TRRAP: variants seen among roughly 807,000 people sequenced by gnomAD.
The protein encoded by TRRAP is transformation/transcription domain associated protein, also known as transformation/transcription domain-associated protein.
TRRAP carries 41 observed loss-of-function variants against 438.8 expected under a neutral mutation model. That is an observed-to-expected ratio of 0.09 (90% CI 0.07 to 0.12). TRRAP has a LOEUF of 0.12. Among genes scored for constraint, TRRAP ranks in the 10% least tolerant of loss-of-function variants. The pLI is 1.00. For synonymous variants in TRRAP, 1,994 were observed against 1,962.9 expected (o/e 1.02, Z -0.42); for missense variants, 3,122 against 5,055.1 (o/e 0.62, Z 11.60).
At chr7:98,922,020 A>G (rs1354870958) in intron 21 of TRRAP, 67 bp downstream of exon 21, 3 of 1,597,158 alleles carry the variant, frequency 1.9e-6, no homozygotes, top group Admixed American at 3.4e-5. Context: ...GTCTATGTGA[A>G]ATGTTAATTA....
chr7:98,881,383 G>A, intron 2 of TRRAP, 133 bp downstream of exon 2: 1 of 733,004 alleles, frequency 1.4e-6, no homozygotes, highest in Non-Finnish European at 2.1e-6. Context: ...GACTAGCCTG[G>A]CCAACATGGT....
intron 20 of TRRAP, 134 bp from the exon 21 acceptor site, chr7:98,921,619 A>T: frequency 2.6e-6 from 3 of 1,149,234 alleles, no homozygotes; most frequent in Non-Finnish European, 3.7e-6. Flanking sequence ...CAGGTGATCT[A>T]CCCGCCTTAG....
chr7:98,978,035 T>C (rs1030532186), intron 56 of TRRAP, among the ~76,000 whole-genome samples, 176 bp from the exon 57 acceptor site: 1 of 152,224 alleles, frequency 6.6e-6, no homozygotes, highest in Non-Finnish European at 1.5e-5. Context: ...GCCCAGCTAC[T>C]CAGGGAGTCT....
chr7:98,879,436 G>T (rs1795318538), intron 1 of TRRAP, among the ~76,000 whole-genome samples: 1 of 151,954 alleles, frequency 6.6e-6, no homozygotes, highest in Admixed American at 6.6e-5. Flanking sequence ...GGGAGAGGCC[G>T]TGACTTCCGA....
At chr7:98,973,039 G>C (rs921356279) in intron 53 of TRRAP, among the ~76,000 whole-genome samples, 20 of 152,146 alleles carry the variant, frequency 1.3e-4, no homozygotes, top group African/African-American at 4.8e-4. Context: ...GAGTATAGTG[G>C]TGCAATCTCG....
chr7:98,994,490 C>T lies in TRRAP; in HGVS notation c.10048-97C>T. On this transcript the variant is annotated intron_variant, in intron 66 of 72. Coordinates refer to ENST00000456197, the MANE Select transcript of TRRAP (RefSeq NM_001375524.1). The surrounding 1 kb of genome is among the most constrained non-coding windows in gnomAD (Gnocchi z 4.8). ...TCCTGCCGGGGAGTGCAGAGATGACCCTGGGCTGGGAGGGCCGCACTCAAT... is the reference window on the plus strand; with the variant it reads ...TCCTGCCGGGGAGTGCAGAGATGACTCTGGGCTGGGAGGGCCGCACTCAAT... 1 of 1,545,144 alleles carries T rather than the reference C, an allele frequency of 6.5e-7. No homozygotes were observed. Among genetic ancestry groups the T allele is most frequent in the Non-Finnish European group, 8.8e-7 (1 of 1,136,136 alleles).
chr7:98,999,626 G>C (rs1793826668), intron 67 of TRRAP: 2 of 857,054 alleles, frequency 2.3e-6, no homozygotes, highest in Non-Finnish European at 3.9e-6. Context: ...GCAGAGAGCT[G>C]AGTTGGTGAC....
chr7:98,894,001 C>A, intron 6 of TRRAP, 120 bp downstream of exon 6: 1 of 854,860 alleles, frequency 1.2e-6, no homozygotes, highest in Non-Finnish European at 1.9e-6. Context: ...GAAATACAGC[C>A]TAAGTTTGGG....
intron 48 of TRRAP, among the ~76,000 whole-genome samples, chr7:98,965,044 A>G (rs1247807810): frequency 6.6e-6 from 1 of 152,232 alleles, no homozygotes; most frequent in African/African-American, 2.4e-5. Context: ...TGAGGCCCAG[A>G]GTTGGAGGCT....
At chr7:98,958,151 C>T (rs1244695126) in intron 44 of TRRAP, 60 bp downstream of exon 44, 32 of 1,411,010 alleles carry the variant, frequency 2.3e-5, no homozygotes, top group Non-Finnish European at 3.0e-5. Flanking sequence ...CTGACTAACA[C>T]CCCAGGAGGT....
At chr7:98,969,666 G>A (rs1244371106) in intron 51 of TRRAP, among the ~76,000 whole-genome samples, 6 of 151,648 alleles carry the variant, frequency 4.0e-5, no homozygotes, top group African/African-American at 1.5e-4. Context: ...GGCAGGCAGG[G>A]GCTTCAGTAC....
chr7:99,011,605 G>GC lies in TRRAP; in HGVS notation c.11337+71dup. The stretch of plus-strand genomic sequence containing the variant: ...TCAGATGCCCGCGCGTCACGGCCTT[G>GC]CAGGAGCTGCTGATGTGCCTCACGG... On this transcript the variant is annotated intron_variant, in intron 72 of 72. Transcript: ENST00000456197. The surrounding 1 kb of genome is among the most constrained non-coding windows in gnomAD (Gnocchi z 7.1). The GC allele has an allele frequency of 6.5e-7, 1 of 1,534,332 alleles. No individual in the cohort carries two copies. The highest frequency in any genetic ancestry group is 8.8e-7 in the Non-Finnish European group (1 of 1,137,688).
chr7:99,009,880 C>CTTTTTTTT (rs138174570), intron 70 of TRRAP, among the ~76,000 whole-genome samples: 8 of 96,680 alleles, frequency 8.3e-5, no homozygotes, highest in African/African-American at 1.5e-4. Flanking sequence ...TCATTCTTCT[C>CTTTTTTTT]TTTTTTTTTT....
chr7:98,897,672 T>C, intron 7 of TRRAP, 69 bp from the exon 8 acceptor site: 1 of 1,449,946 alleles, frequency 6.9e-7, no homozygotes. Flanking sequence ...TTTTGTTTTG[T>C]TTTGTTTTGT....
rs1554419906 is a variant in TRRAP, at chr7:98,956,659, G to A, written c.6231+126G>A. 9.0e-6 allele frequency: 13 copies of A among 1,452,058 alleles called. No homozygotes were observed. The highest frequency in any genetic ancestry group is 9.2e-6 in the Non-Finnish European group (10 of 1,092,612). 89.9% of individuals were successfully genotyped at this position (1,452,058 alleles called of 1,614,324 possible). On this transcript the variant is annotated intron_variant, in intron 43 of 72. Transcript: ENST00000456197. This position sits in a 1 kb window ranked among gnomAD's most constrained non-coding sequence, Gnocchi z 4.5. ...AGGAGAGGAAGCTGGGAACAGCCAC[G>A]GTCACCAGATTGAAACTCCAGGACA...
chr7:98,993,321 G>A (rs546242764), intron 65 of TRRAP, among the ~76,000 whole-genome samples: 97 of 152,226 alleles, frequency 6.4e-4, no homozygotes, highest in Non-Finnish European at 1.1e-3. Context: ...GATTGAAGCC[G>A]CATTGTAGAC....
chr7:98,976,815 G>T lies in TRRAP; in HGVS notation c.8247+45G>T. ...TGTTAATTACCTCTTCCCTGCCAGT[G>T]ACTTCACACTTTAAATAAATACTCC... On this transcript the variant is annotated intron_variant, in intron 55 of 72. Coordinates refer to ENST00000456197, the MANE Select transcript of TRRAP (RefSeq NM_001375524.1). The surrounding 1 kb of genome is among the most constrained non-coding windows in gnomAD (Gnocchi z 4.6). 1.2e-6 allele frequency: 2 copies of T among 1,603,442 alleles called. No homozygotes were observed. The highest frequency in any genetic ancestry group is 2.2e-5 in the South Asian group (2 of 90,308).
intron 1 of TRRAP, among the ~76,000 whole-genome samples, chr7:98,879,695 C>T (rs1416356542): frequency 6.6e-6 from 1 of 152,192 alleles, no homozygotes; most frequent in Non-Finnish European, 1.5e-5. Context: ...CCTTGGTTTC[C>T]TTCTTGGCTT....
chr7:99,010,864 G>A (rs1794397349), intron 70 of TRRAP, among the ~76,000 whole-genome samples, 188 bp from the exon 71 acceptor site: 1 of 152,194 alleles, frequency 6.6e-6, no homozygotes, highest in South Asian at 2.1e-4. Context: ...GGCGAACCCT[G>A]GAGGGAAACA....
Sources: allele counts gnomAD v4.1 joint callset (sites outside exome capture counted in the v4.1 genomes callset), GRCh38; gene constraint gnomAD v4.1.1; non-coding constraint Gnocchi (gnomAD v3.1); transcripts MANE v1.5; gene names NCBI Gene and HGNC (gene_info 2026-07-23, HGNC 2026-07-21).